Variants in USP8 observed in about 807,000 individuals in gnomAD.
The protein encoded by USP8 is ubiquitin carboxyl-terminal hydrolase 8.
A neutral mutation model predicts 130.0 loss-of-function variants in USP8; 27 were observed. The observed-to-expected ratio is 0.21, with a 90% CI of 0.15 to 0.29. USP8 has a LOEUF of 0.29. Ranked by LOEUF, USP8 falls within the 10% of genes least tolerant of loss-of-function variation. The probability of loss-of-function intolerance (pLI) is 1.00; values close to 1 mark genes in which losing one functional copy is unlikely to be tolerated. For synonymous variants in USP8, 392 were observed against 444.1 expected (o/e 0.88, Z 1.48); for missense variants, 1,029 against 1,312.2 (o/e 0.78, Z 3.33).
intron 4 of USP8, among the ~76,000 whole-genome samples, chr15:50,455,803 A>G (rs2050771522): frequency 6.6e-6 from 1 of 152,064 alleles, no homozygotes; most frequent in African/African-American, 2.4e-5. Context: ...TGGGCTCCTT[A>G]GTATCTGCTG....
At chr15:50,468,157 A>G (rs1242491834) in intron 7 of USP8, among the ~76,000 whole-genome samples, 5 of 150,870 alleles carry the variant, frequency 3.3e-5, no homozygotes, top group African/African-American at 1.2e-4. Context: ...GCTGGTCTCG[A>G]ACTCCTGACC....
chr15:50,497,074 G>GT lies in USP8; in HGVS notation c.2896-8dup, dbSNP rs776371682. 3.9e-5 allele frequency: 62 copies of GT among 1,585,668 alleles called. No individual in the cohort carries two copies. Among genetic ancestry groups the GT allele is most frequent in the Middle Eastern group, 1.8e-4 (1 of 5,710 alleles). Reference sequence around the variant, plus strand: ...TCGAATTAACGAGTATCTGCTACTTGTTTTTTTCTGCCAGGATTGCCTTAG... The same window carrying GT: ...TCGAATTAACGAGTATCTGCTACTTGTTTTTTTTCTGCCAGGATTGCCTTAG... On this transcript the variant is annotated splice_polypyrimidine_tract_variant and intron_variant, in intron 17 of 19. Transcript: ENST00000307179.
At chr15:50,452,583 C>G (rs2050659404) in intron 4 of USP8, among the ~76,000 whole-genome samples, 2 of 152,184 alleles carry the variant, frequency 1.3e-5, no homozygotes. Context: ...AGTTCACATA[C>G]TGTTCCAGCA....
At position 50,481,491 on chromosome 15, in the gene USP8, C is replaced by G. The variant is rs781276238; in HGVS notation, c.1229C>G (p.Thr410Ser). ...SIKNVPQIDR[T>S]KKPAVKLPEE... ...GTTTTGTTGCTCTAGATTGATCGTA[C>G]TAAAAAACCAGCAGTCAAATTGCCT... Residue 410 changes from threonine (T) to serine (S), a missense_variant, in exon 11 of 20, where the codon ACT becomes AGT. Physicochemically the swap from Thr to Ser is moderately conservative, Grantham distance 58 (BLOSUM62 1). Around this residue, in one of 4 missense-constraint regions of USP8, gnomAD observed 486 missense variants for 522.0 expected, o/e 0.93. Transcript: ENST00000307179. The G allele has an allele frequency of 1.3e-6, 2 of 1,585,042 alleles. No individual in the cohort carries two copies. Among genetic ancestry groups the G allele is most frequent in the Non-Finnish European group, 8.5e-7 (1 of 1,170,176 alleles).
intron 4 of USP8, among the ~76,000 whole-genome samples, chr15:50,455,260 G>A (rs764771365): frequency 2.7e-5 from 4 of 150,920 alleles, no homozygotes; most frequent in Non-Finnish European, 4.4e-5. Flanking sequence ...GTGTTTTTTT[G>A]TAGAGACAGG....
At chr15:50,494,783 G>A (rs1259068026) in intron 16 of USP8, among the ~76,000 whole-genome samples, 1 of 152,212 alleles carries the variant, frequency 6.6e-6, no homozygotes, top group African/African-American at 2.4e-5. Flanking sequence ...GGGAGGCCAA[G>A]GCTGGTGGAT....
chr15:50,479,238 G>A (rs1000368022), intron 10 of USP8, among the ~76,000 whole-genome samples: 10 of 152,154 alleles, frequency 6.6e-5, no homozygotes, highest in South Asian at 2.1e-4. Context: ...GATCAAGGAC[G>A]TCTTCATGGA....
intron 4 of USP8, 104 bp downstream of exon 4, chr15:50,449,589 T>C: frequency 3.5e-6 from 3 of 861,744 alleles, no homozygotes; most frequent in Non-Finnish European, 4.8e-6. Flanking sequence ...TATTCCAATT[T>C]TTTTTTGAGA....
At chr15:50,492,570 T>C (rs537212821) in intron 14 of USP8, 131 bp from the exon 15 acceptor site, 5 of 841,666 alleles carry the variant, frequency 5.9e-6, no homozygotes, top group African/African-American at 3.4e-5. Flanking sequence ...CAGCATCTTA[T>C]GAGTTAACAT....
rs1263018599 is a variant in USP8, at chr15:50,502,014, A to G, written c.*2926A>G. ...ACTGAATAGTTGCAGCCAATACCAT[A>G]TGGCTTATGAGGCCTAAAATATTTA... On this transcript the variant is annotated 3_prime_UTR_variant, in exon 20 of 20. Transcript: ENST00000307179. The G allele has an allele frequency of 1.3e-5, 2 of 152,220 alleles. No individual in the cohort carries two copies. Among genetic ancestry groups the G allele is most frequent in the African/African-American group, 4.8e-5 (2 of 41,446 alleles). The allele number at this position is 152,220 out of a possible 1,614,324, so 9.4% of individuals were successfully genotyped here. A position where few individuals can be genotyped will look rare whatever the true frequency, so the allele number is the denominator to read the frequency against.
Position 50,465,037 on chromosome 15 carries a change from C to T in USP8, c.542-10C>T. On this transcript the variant is annotated splice_polypyrimidine_tract_variant and intron_variant, in intron 6 of 19. Transcript: ENST00000307179. Reference sequence around the variant, plus strand: ...TTCTTGTCACTTACACTGTCTCTCTCAATTCCAAGGAGCAATCACAGCAAA... The same window carrying T: ...TTCTTGTCACTTACACTGTCTCTCTTAATTCCAAGGAGCAATCACAGCAAA... 6.2e-7 allele frequency: 1 copy of T among 1,612,790 alleles called. No individual in the cohort carries two copies. Among genetic ancestry groups the T allele is most frequent in the Non-Finnish European group, 8.5e-7 (1 of 1,179,360 alleles).
intron 4 of USP8, among the ~76,000 whole-genome samples, chr15:50,453,643 A>G (rs1471997563): frequency 1.3e-5 from 2 of 152,170 alleles, no homozygotes; most frequent in African/African-American, 2.4e-5. Flanking sequence ...GATAATGTTC[A>G]GATCTTCTTT....
At position 50,466,812 on chromosome 15, in the gene USP8, A is replaced by G. The variant is rs937866208; in HGVS notation, c.686+1621A>G. ...ATTCACTGAATTCGAATCACTCTCT[A>G]TGAGCCACAGCATAAAATCCCTGGA... On this transcript the variant is annotated intron_variant, in intron 7 of 19. Coordinates refer to ENST00000307179, the MANE Select transcript of USP8 (RefSeq NM_005154.5). 8 of 287,026 alleles carry G rather than the reference A, an allele frequency of 2.8e-5. 1 individual carries two copies. Among genetic ancestry groups the G allele is most frequent in the South Asian group, 1.5e-4 (4 of 25,962 alleles). 17.8% of individuals were successfully genotyped at this position (287,026 alleles called of 1,614,324 possible).
In USP8 at chr15:50,448,634, G is replaced by A. The variant is rs972316020; in HGVS notation, c.250-766G>A. 5.3e-5 allele frequency among the ~76,000 whole-genome samples: 8 copies of A among 151,330 alleles called. No individual in the cohort carries two copies. The South Asian group carries it at 8.4e-4, about 16-fold the overall frequency. ...TCCTGGGTTCAAGTGATTCTCCTGC[G>A]TCAGCTTCCTGAGTAGCTGGGATTA... is the stretch of plus-strand genomic sequence containing the variant. On this transcript the variant is annotated intron_variant, in intron 3 of 19. Transcript: ENST00000307179.
At chr15:50,424,684 C>T (rs527712316) in intron 1 of USP8, 170 bp downstream of exon 1, 46 of 394,516 alleles carry the variant, frequency 1.2e-4, no homozygotes, top group African/African-American at 8.8e-4. Flanking sequence ...AGGAAAGGCC[C>T]AACCTTGAGT....
intron 3 of USP8, among the ~76,000 whole-genome samples, chr15:50,442,188 G>T (rs2050283481): frequency 1.3e-5 from 2 of 151,890 alleles, no homozygotes; most frequent in South Asian, 4.2e-4. Context: ...TGGTCAGGCT[G>T]GTCTCAAACT....
chr15:50,481,514 C>T lies in USP8; in HGVS notation c.1252C>T (p.Pro418Ser). ...TACTAAAAAACCAGCAGTCAAATTG[C>T]CTGAAGAGCATAGAATAAAATCTGA... Reference protein sequence around the residue: ...DRTKKPAVKLPEEHRIKSEST... With the variant: ...DRTKKPAVKLSEEHRIKSEST... The change falls in exon 11 of 20, where the codon CCT (proline) becomes TCT (serine). Residue 418 changes from proline (P) to serine (S), a missense_variant. Coordinates refer to ENST00000307179, the MANE Select transcript of USP8 (RefSeq NM_005154.5). 1 of 1,600,276 alleles carries T rather than the reference C, an allele frequency of 6.2e-7. No homozygotes were observed. Among genetic ancestry groups the T allele is most frequent in the South Asian group, 1.1e-5 (1 of 87,790 alleles).
chr15:50,433,848 G>A (rs528104245), intron 1 of USP8, among the ~76,000 whole-genome samples: 31 of 152,234 alleles, frequency 2.0e-4, no homozygotes, highest in Middle Eastern at 3.4e-3. Flanking sequence ...CTCGTGATCC[G>A]CCCGCCTTGG....
rs2052683015 is a variant in USP8, at chr15:50,507,830, G to C, written c.*8742G>C. On this transcript the variant is annotated 3_prime_UTR_variant, in exon 20 of 20. Coordinates refer to ENST00000307179, the MANE Select transcript of USP8 (RefSeq NM_005154.5). ...TCATGCCTGTAATCCCAGCACTTTG[G>C]GAGGCCAAGGCAGGCGAATCACGAG... 6.6e-6 allele frequency: 1 copy of C among 152,090 alleles called. No homozygotes were observed. Among genetic ancestry groups the C allele is most frequent in the African/African-American group, 2.4e-5 (1 of 41,416 alleles). The allele number at this position is 152,090 out of a possible 1,614,324, so 9.4% of individuals were successfully genotyped here. A position where few individuals can be genotyped will look rare whatever the true frequency, so the allele number is the denominator to read the frequency against.
Sources: allele counts gnomAD v4.1 joint callset (sites outside exome capture counted in the v4.1 genomes callset), GRCh38; gene constraint gnomAD v4.1.1; regional missense constraint gnomAD v4.1.1; transcripts MANE v1.5; gene names NCBI Gene and HGNC (gene_info 2026-07-23, HGNC 2026-07-21).